RASSF6: variants seen among roughly 807,000 people sequenced by gnomAD.
RASSF6 encodes the protein ras association domain-containing protein 6.
A neutral mutation model predicts 44.0 loss-of-function variants in RASSF6; 52 were observed. The ratio of observed to expected loss-of-function variants is 1.18; its 90% confidence interval spans 0.95 to 1.49. The LOEUF is 1.49. Among genes scored for constraint, RASSF6 ranks in the 40% most tolerant of loss-of-function variants. The pLI is 0.00. For missense variants in RASSF6, 464 were observed against 393.3 expected (o/e 1.18, Z -1.52); for synonymous variants, 162 against 124.6 (o/e 1.30, Z -2.00).
upstream of RASSF6, chr4:73,620,460 C>CG (rs1171739746): frequency 6.5e-7 from 1 of 1,546,846 alleles, no homozygotes; most frequent in Non-Finnish European, 8.7e-7. Flanking sequence ...GTCCGAGGCC[C>CG]GCGCGGGCGC....
intron 4 of RASSF6, among the ~76,000 whole-genome samples, chr4:73,590,030 A>G (rs1018201844): frequency 2.6e-5 from 4 of 152,196 alleles, no homozygotes; most frequent in African/African-American, 9.6e-5. Context: ...AAGATATTAA[A>G]AACAGATGTG....
intron 4 of RASSF6, among the ~76,000 whole-genome samples, 159 bp downstream of exon 4, chr4:73,593,292 A>C (rs1724703036): frequency 6.6e-6 from 1 of 152,172 alleles, no homozygotes; most frequent in Admixed American, 6.5e-5. Context: ...CCGGGATTAC[A>C]GGTGTGAGCC....
rs1723040123 is a variant in RASSF6 at position 73,573,764 on chromosome 4, T to G, written c.*2471A>C. On this transcript the variant is annotated 3_prime_UTR_variant, in exon 11 of 11. Coordinates refer to ENST00000307439, the MANE Select transcript of RASSF6 (RefSeq NM_177532.5). ...TTTTACTTTGTACTTCGGTGGCATGTCAGTTATTATTTTACTGTCTCTCAG... is the reference window on the plus strand; with the variant it reads ...TTTTACTTTGTACTTCGGTGGCATGGCAGTTATTATTTTACTGTCTCTCAG... 6.6e-6 allele frequency: 1 copy of G among 152,224 alleles called. No homozygotes were observed. Among genetic ancestry groups the G allele is most frequent in the South Asian group, 2.1e-4 (1 of 4,836 alleles). The allele number at this position is 152,224 out of a possible 1,614,324, so 9.4% of individuals were successfully genotyped here.
Position 73,616,250 on chromosome 4 carries a change from TATC to T in RASSF6, c.-35+4035_-35+4037del, listed in dbSNP as rs1560464573. On this transcript the variant is annotated intron_variant, in intron 1 of 10. Transcript: ENST00000307439. The stretch of plus-strand genomic sequence containing the variant: ...CTATCTATCTATCTATCTATCTATC[TATC>T]TATCTATCTATCTATACATATATAT... 1.3e-3 allele frequency among the ~76,000 whole-genome samples: 204 copies of T among 152,234 alleles called. 1 individual carries two copies. Among genetic ancestry groups the T allele is most frequent in the African/African-American group, 4.6e-3 (191 of 41,534 alleles).
In RASSF6 at chr4:73,572,361, A is replaced by G. The variant is rs1211166512; in HGVS notation, c.*3874T>C. ...CTCACAGTCTCTTCCATTTTCCTGT[A>G]TTAAAAGTAAGTCCCTAATTGCTAA... On this transcript the variant is annotated 3_prime_UTR_variant, in exon 11 of 11. Transcript: ENST00000307439. 1 of 152,158 alleles carries G rather than the reference A, an allele frequency of 6.6e-6. No homozygotes were observed. The highest frequency in any genetic ancestry group is 2.4e-5 in the African/African-American group (1 of 41,434). The allele number at this position is 152,158 out of a possible 1,614,324, so 9.4% of individuals were successfully genotyped here.
intron 2 of RASSF6, among the ~76,000 whole-genome samples, chr4:73,600,982 G>C (rs1450614184): frequency 6.6e-6 from 1 of 152,166 alleles, no homozygotes; most frequent in East Asian, 1.9e-4. Context: ...TTACTGTAAA[G>C]AAACTTCAGG....
At chr4:73,585,628 G>A (rs1454782176) in intron 5 of RASSF6, among the ~76,000 whole-genome samples, 2 of 150,994 alleles carry the variant, frequency 1.3e-5, no homozygotes. Context: ...CATGTTTGGG[G>A]TTTGGGCATT....
At chr4:73,608,137 A>G (rs1725775809) in intron 2 of RASSF6, among the ~76,000 whole-genome samples, 4 of 149,554 alleles carry the variant, frequency 2.7e-5, no homozygotes, top group Non-Finnish European at 5.9e-5. Flanking sequence ...AGCATAGAAA[A>G]TTCACGCATC....
intron 4 of RASSF6, among the ~76,000 whole-genome samples, chr4:73,593,206 G>C (rs1724693928): frequency 6.6e-6 from 1 of 152,020 alleles, no homozygotes; most frequent in African/African-American, 2.4e-5. Context: ...AGTAGAGACA[G>C]GGTTTCATCA....
intron 8 of RASSF6, 80 bp downstream of exon 8, chr4:73,581,737 A>G (rs1723662680): frequency 7.7e-6 from 7 of 915,008 alleles, no homozygotes; most frequent in Non-Finnish European, 1.2e-5. Flanking sequence ...GAATGAGGCA[A>G]ACTGTTCTTC....
chr4:73,578,383 A>G (rs1723382852), intron 8 of RASSF6, among the ~76,000 whole-genome samples: 1 of 152,180 alleles, frequency 6.6e-6, no homozygotes, highest in African/African-American at 2.4e-5. Flanking sequence ...TCACACAATC[A>G]TTTAAGACTT....
rs1313448354 is a variant in RASSF6, at chr4:73,574,395, A to G, written c.*1840T>C. 1 of 152,212 alleles carries G rather than the reference A, an allele frequency of 6.6e-6. No individual in the cohort carries two copies. The highest frequency in any genetic ancestry group is 2.4e-5 in the African/African-American group (1 of 41,370). The allele number at this position is 152,212 out of a possible 1,614,324, so 9.4% of individuals were successfully genotyped here. A position where few individuals can be genotyped will look rare whatever the true frequency, so the allele number is the denominator to read the frequency against. ...TGCCCACCTGCCTCAGCTGGTCCAC[A>G]CCTAGGGGGTTGGCTGTACCAGCTT... is the stretch of plus-strand genomic sequence containing the variant. On this transcript the variant is annotated 3_prime_UTR_variant, in exon 11 of 11. Coordinates refer to ENST00000307439, the MANE Select transcript of RASSF6 (RefSeq NM_177532.5).
chr4:73,588,014 A>G, intron 4 of RASSF6, 80 bp from the exon 5 acceptor site: 1 of 893,686 alleles, frequency 1.1e-6, no homozygotes, highest in Non-Finnish European at 1.8e-6. Context: ...TACAATATTA[A>G]TATAGTAATA....
rs1723122959 is a variant in RASSF6, at chr4:73,574,993, ACTT to A, written c.*1239_*1241del. ...GCCTCTGGTTTACTCAGTAAGAGAG[ACTT>A]CTTAGGCTTGAAAAGGCCATAGCAC... On this transcript the variant is annotated 3_prime_UTR_variant, in exon 11 of 11. Coordinates refer to ENST00000307439, the MANE Select transcript of RASSF6 (RefSeq NM_177532.5). The A allele has an allele frequency of 6.6e-6, 1 of 152,214 alleles. No individual in the cohort carries two copies. Among genetic ancestry groups the A allele is most frequent in the African/African-American group, 2.4e-5 (1 of 41,450 alleles). 9.4% of individuals were successfully genotyped at this position (152,214 alleles called of 1,614,324 possible).
Position 73,597,771 on chromosome 4 carries a change from C to CATG in RASSF6, c.144+868_144+869insCAT, listed in dbSNP as rs1725027459. ...ATAAAGAAAATGTGGTACATGTACACCATGGAATACTATGCAGCCATAAAA... is the reference window on the plus strand; with the variant it reads ...ATAAAGAAAATGTGGTACATGTACACATGCATGGAATACTATGCAGCCATAAAA... On this transcript the variant is annotated intron_variant, in intron 3 of 10. Coordinates refer to ENST00000307439, the MANE Select transcript of RASSF6 (RefSeq NM_177532.5). Among the ~76,000 whole-genome samples, 7 of 152,272 alleles carry CATG rather than the reference C, an allele frequency of 4.6e-5. No homozygotes were observed. In the South Asian group the frequency reaches 1.5e-3, roughly 32 times the overall value.
At chr4:73,606,929 A>G (rs1725682531) in intron 2 of RASSF6, among the ~76,000 whole-genome samples, 1 of 152,134 alleles carries the variant, frequency 6.6e-6, no homozygotes. Context: ...CTGAAACACA[A>G]CAAGGAGCCA....
At chr4:73,606,875 A>T (rs1432325265) in intron 2 of RASSF6, among the ~76,000 whole-genome samples, 1 of 152,192 alleles carries the variant, frequency 6.6e-6, no homozygotes, top group African/African-American at 2.4e-5. Context: ...TTGTAGCGAT[A>T]TGCCTTTCAG....
At chr4:73,620,212 G>GCTTTCTAATA (rs1560466615) in intron 1 of RASSF6, 76 bp downstream of exon 1, 8 of 945,848 alleles carry the variant, frequency 8.5e-6, no homozygotes, top group Non-Finnish European at 1.2e-5. Flanking sequence ...TATGGATTCT[G>GCTTTCTAATA]CTTTCTAATA....
At chr4:73,586,580 G>A (rs1344437480) in intron 5 of RASSF6, among the ~76,000 whole-genome samples, 2 of 151,896 alleles carry the variant, frequency 1.3e-5, no homozygotes, top group Non-Finnish European at 2.9e-5. Flanking sequence ...ATAAGACCAT[G>A]TGGTGGCATT....
Sources: allele counts gnomAD v4.1 joint callset (sites outside exome capture counted in the v4.1 genomes callset), GRCh38; gene constraint gnomAD v4.1.1; transcripts MANE v1.5; gene names NCBI Gene and HGNC (gene_info 2026-07-23, HGNC 2026-07-21).